Variants in PGM5 observed in about 807,000 individuals in gnomAD.
PGM5 encodes phosphoglucomutase-like protein 5.
In PGM5, 23 loss-of-function variants were observed where a neutral mutation model predicts 59.2. That is an observed-to-expected ratio of 0.39 (90% CI 0.28 to 0.55). PGM5 has a LOEUF of 0.55. PGM5 is among the 20% of genes least tolerant of loss of function. The probability of loss-of-function intolerance (pLI) is 0.66; values close to 1 mark genes in which losing one functional copy is unlikely to be tolerated. For missense variants in PGM5, 574 were observed against 748.3 expected (o/e 0.77, Z 2.72); for synonymous variants, 214 against 286.0 (o/e 0.75, Z 2.54).
chr9:68,517,424 A>G (rs1212944119), intron 10 of PGM5, among the ~76,000 whole-genome samples: 1 of 152,182 alleles, frequency 6.6e-6, no homozygotes, highest in Non-Finnish European at 1.5e-5. Flanking sequence ...ATATGTAACT[A>G]TCCAGGTAAA....
intron 2 of PGM5, among the ~76,000 whole-genome samples, chr9:68,381,849 T>G (rs1323236406): frequency 2.0e-5 from 3 of 151,836 alleles, no homozygotes; most frequent in African/African-American, 7.2e-5. Context: ...GGGGTGAAAG[T>G]ATACTGAAAA....
intron 6 of PGM5, among the ~76,000 whole-genome samples, chr9:68,399,839 T>C (rs2132024589): frequency 1.3e-5 from 2 of 152,306 alleles, no homozygotes; most frequent in Middle Eastern, 3.4e-3. Flanking sequence ...AAATTTAACA[T>C]GTATAAATAG....
chr9:68,380,096 C>A (rs1485153730), intron 2 of PGM5, among the ~76,000 whole-genome samples: 1 of 151,528 alleles, frequency 6.6e-6, no homozygotes, highest in Admixed American at 6.6e-5. Context: ...ATACTTCAGA[C>A]CAAATGGACC....
chr9:68,481,502 G>C (rs1366846972), intron 8 of PGM5, among the ~76,000 whole-genome samples: 1 of 152,322 alleles, frequency 6.6e-6, no homozygotes, highest in Non-Finnish European at 1.5e-5. Flanking sequence ...GCATGAAGCT[G>C]TTCCAAAACG....
In PGM5 at chr9:68,468,751, C is replaced by T. The variant is rs555121239; in HGVS notation, c.1159+3543C>T. 4.6e-5 allele frequency among the ~76,000 whole-genome samples: 7 copies of T among 152,262 alleles called. 1 individual carries two copies. In the East Asian group the frequency reaches 9.7e-4, roughly 21 times the overall value. The stretch of plus-strand genomic sequence containing the variant: ...TGTCTCTTAAGTCTCTTTTAATCTA[C>T]GTTTCTCTTCTTTACATTTTGCCCT... On this transcript the variant is annotated intron_variant, in intron 7 of 10. Coordinates refer to ENST00000396396, the MANE Select transcript of PGM5 (RefSeq NM_021965.4).
At chr9:68,379,066 C>T (rs1554678103) in intron 2 of PGM5, among the ~76,000 whole-genome samples, 1 of 152,106 alleles carries the variant, frequency 6.6e-6, no homozygotes, top group Admixed American at 6.6e-5. Context: ...GTATGCATCT[C>T]TAAAAAAGAA....
At chr9:68,511,077 T>G (rs1352775832) in intron 10 of PGM5, among the ~76,000 whole-genome samples, 8 of 152,218 alleles carry the variant, frequency 5.3e-5, no homozygotes, top group Non-Finnish European at 1.0e-4. Context: ...TCAAAAGGTG[T>G]CAGACTCTCC....
At chr9:68,497,528 A>T (rs916025750) in intron 9 of PGM5, 1 of 152,336 alleles carries the variant, frequency 6.6e-6, no homozygotes, top group Admixed American at 6.5e-5. Flanking sequence ...AAGCATAAAG[A>T]CACTCAGATG....
At position 68,376,900 on chromosome 9, in the gene PGM5, CTCTCTT is replaced by C. The variant is rs1432115816; in HGVS notation, c.262-1295_262-1290del. Among the ~76,000 whole-genome samples, 30 of 105,310 alleles carry C rather than the reference CTCTCTT, an allele frequency of 2.8e-4. 3 individuals are homozygous for C. The highest frequency in any genetic ancestry group is 8.8e-4 in the African/African-American group (24 of 27,318). 69.1% of individuals were successfully genotyped at this position (105,310 alleles called of 152,430 possible). On this transcript the variant is annotated intron_variant, in intron 1 of 10. Transcript: ENST00000396396. ...TTTCTTTCTTTTTTTCTTTCTTTCT[CTCTCTT>C]TCTTTCTTTCTTTTTCTTTCTTCTT...
chr9:68,402,993 T>G (rs1822709181), intron 6 of PGM5, among the ~76,000 whole-genome samples: 1 of 152,168 alleles, frequency 6.6e-6, no homozygotes, highest in South Asian at 2.1e-4. Context: ...AGATAGTATC[T>G]AAGATACATG....
chr9:68,391,654 A>G lies in PGM5; in HGVS notation c.818A>G (p.Tyr273Cys). 6.2e-7 allele frequency: 1 copy of G among 1,613,324 alleles called. No individual in the cohort carries two copies. Among genetic ancestry groups the G allele is most frequent in the Non-Finnish European group, 8.5e-7 (1 of 1,179,454 alleles). Residue 273 changes from tyrosine (Y) to cysteine (C), a missense_variant, in exon 5 of 11, where the codon TAT becomes TGT. Tyr to Cys is a radical substitution (Grantham distance 194, BLOSUM62 -2). Transcript: ENST00000396396. ...GGQHPDPNLT[Y>C]ATTLLEAMKG... ...CAGCACCCTGACCCAAACCTGACAT[A>G]TGCAACGACTCTTCTGGAAGCAATG...
At chr9:68,382,673 A>T (rs1822107708) in intron 2 of PGM5, among the ~76,000 whole-genome samples, 1 of 151,664 alleles carries the variant, frequency 6.6e-6, no homozygotes, top group Non-Finnish European at 1.5e-5. Flanking sequence ...ATTTTAATAT[A>T]TATTATAATT....
intron 6 of PGM5, among the ~76,000 whole-genome samples, chr9:68,399,547 C>T (rs542982456): frequency 6.4e-4 from 97 of 151,386 alleles, no homozygotes; most frequent in African/African-American, 2.2e-3. Context: ...TCATGTCTCA[C>T]ATTACTAATG....
chr9:68,486,478 C>T (rs1008004999), intron 9 of PGM5, among the ~76,000 whole-genome samples: 3 of 152,168 alleles, frequency 2.0e-5, no homozygotes, highest in South Asian at 2.1e-4. Flanking sequence ...CCTGATCTTT[C>T]TGTCTCTATG....
At chr9:68,421,871 CTAACTT>C (rs1167897623) in intron 6 of PGM5, among the ~76,000 whole-genome samples, 1 of 150,542 alleles carries the variant, frequency 6.6e-6, no homozygotes, top group African/African-American at 2.4e-5. Flanking sequence ...AATGTAGAAT[CTAACTT>C]TATACTGTTT....
intron 7 of PGM5, among the ~76,000 whole-genome samples, chr9:68,478,942 T>C (rs1824147404): frequency 6.6e-6 from 1 of 152,216 alleles, no homozygotes; most frequent in South Asian, 2.1e-4. Flanking sequence ...TGTGACATCA[T>C]CACCTCTTTA....
At chr9:68,370,595 T>C (rs1171445592) in intron 1 of PGM5, among the ~76,000 whole-genome samples, 9 of 152,326 alleles carry the variant, frequency 5.9e-5, no homozygotes, top group Non-Finnish European at 8.8e-5. Context: ...TAGTTGTATA[T>C]GGCACAAAAT....
At chr9:68,487,354 A>G (rs1485561315) in intron 9 of PGM5, among the ~76,000 whole-genome samples, 2 of 152,104 alleles carry the variant, frequency 1.3e-5, no homozygotes, top group Non-Finnish European at 2.9e-5. Context: ...TTGATGCTCA[A>G]GAAATATCAG....
In PGM5 at chr9:68,392,484, A is replaced by G; in HGVS notation, c.1043+11A>G. 6.2e-7 allele frequency: 1 copy of G among 1,609,376 alleles called. No homozygotes were observed. The highest frequency in any genetic ancestry group is 1.1e-5 in the South Asian group (1 of 90,586). ...CATGGCCCTGGACAGGTAAGCAAGGATGTCACCGTGAAAAACTTTATGGTA... is the reference window on the plus strand; with the variant it reads ...CATGGCCCTGGACAGGTAAGCAAGGGTGTCACCGTGAAAAACTTTATGGTA... On this transcript the variant is annotated intron_variant, in intron 6 of 10. Transcript: ENST00000396396.
Sources: allele counts gnomAD v4.1 joint callset (sites outside exome capture counted in the v4.1 genomes callset), GRCh38; gene constraint gnomAD v4.1.1; transcripts MANE v1.5; gene names NCBI Gene and HGNC (gene_info 2026-07-23, HGNC 2026-07-21).